The following THRAP3 variants were observed in gnomAD, a reference collection of about 807,000 sequenced individuals.
THRAP3 encodes thyroid hormone receptor associated protein 3.
THRAP3 carries 16 observed loss-of-function variants against 101.0 expected under a neutral mutation model. That is an observed-to-expected ratio of 0.16 (90% CI 0.11 to 0.24). The LOEUF (loss-of-function observed/expected upper bound fraction) is 0.24, where lower values mean the gene tolerates loss of function less well. Ranked by LOEUF, THRAP3 falls within the 10% of genes least tolerant of loss-of-function variation. THRAP3 has a pLI of 1.00. For missense variants in THRAP3, 989 were observed against 1,202.7 expected (o/e 0.82, Z 2.63); for synonymous variants, 407 against 422.6 (o/e 0.96, Z 0.45).
intron 4 of THRAP3, chr1:36,287,957 T>C: frequency 1.0e-5 from 10 of 980,466 alleles, no homozygotes; most frequent in Non-Finnish European, 1.2e-5. Context: ...TGGGACCAGG[T>C]TGTGGTCAAG....
At position 36,286,877 on chromosome 1, in the gene THRAP3, C is replaced by A. The variant is rs1645802553; in HGVS notation, c.647C>A (p.Ala216Glu). Residue 216 changes from alanine (A) to glutamate (E), a missense_variant, in exon 4 of 12, where the codon GCA becomes GAA. Ala to Glu is a moderately radical substitution (Grantham distance 107). Coordinates refer to ENST00000354618, the MANE Select transcript of THRAP3 (RefSeq NM_005119.4). This position sits in a 1 kb window ranked among gnomAD's most constrained non-coding sequence, Gnocchi z 5.5. ...FSGGTSQDTKASESSKPWPDA... is the reference protein window; with the variant it reads ...FSGGTSQDTKESESSKPWPDA... ...GGAGGCACCTCTCAAGATACAAAAG[C>A]ATCTGAGAGCTCGAAGCCATGGCCA... 1 of 1,614,060 alleles carries A rather than the reference C, an allele frequency of 6.2e-7. No individual in the cohort carries two copies. Among genetic ancestry groups the A allele is most frequent in the Non-Finnish European group, 8.5e-7 (1 of 1,179,910 alleles).
At chr1:36,234,010 T>A (rs2124363928) in intron 1 of THRAP3, among the ~76,000 whole-genome samples, 1 of 152,228 alleles carries the variant, frequency 6.6e-6, no homozygotes, top group Middle Eastern at 3.4e-3. Flanking sequence ...GGCTGGAGTA[T>A]GGTGGCGTGA....
chr1:36,214,005 A>G, the THRAP3 span, among the ~76,000 whole-genome samples: 2 of 41,470 alleles, frequency 4.8e-5, no homozygotes, highest in South Asian at 2.0e-3. Flanking sequence ...AAGGAAAGAA[A>G]GAAAGAAAGA....
chr1:36,269,152 T>TAA (rs1245631270), intron 2 of THRAP3, among the ~76,000 whole-genome samples: 1 of 152,214 alleles, frequency 6.6e-6, no homozygotes, highest in Non-Finnish European at 1.5e-5. Flanking sequence ...TGGCATCCCT[T>TAA]AACCCTCCAA....
At chr1:36,273,314 C>T (rs376779114) in intron 2 of THRAP3, among the ~76,000 whole-genome samples, 18 of 152,274 alleles carry the variant, frequency 1.2e-4, no homozygotes, top group African/African-American at 3.6e-4. Context: ...AGTCAGTTCT[C>T]GGGAACTTTT....
rs1483699712 is a variant in THRAP3, at chr1:36,251,795, A to T, written c.-134-7587A>T. Reference sequence around the variant, plus strand: ...TTTCTGAGAACTTTATACATATATTAATTTATTCGGTGTTCAACAACACTG... The same window carrying T: ...TTTCTGAGAACTTTATACATATATTTATTTATTCGGTGTTCAACAACACTG... On this transcript the variant is annotated intron_variant, in intron 1 of 11. Transcript: ENST00000354618. Among the ~76,000 whole-genome samples the T allele has an allele frequency of 3.9e-5, 6 of 152,328 alleles. No homozygotes were observed. The South Asian group carries it at 1.2e-3, about 32-fold the overall frequency.
intron 1 of THRAP3, among the ~76,000 whole-genome samples, chr1:36,250,214 C>CTTT (rs55959529): frequency 7.1e-6 from 1 of 140,564 alleles, no homozygotes; most frequent in South Asian, 2.3e-4. Context: ...ATTAGGCATA[C>CTTT]TTTTTTTTTT....
At chr1:36,282,477 G>T in intron 2 of THRAP3, 56 bp from the exon 3 acceptor site, 1 of 1,283,594 alleles carries the variant, frequency 7.8e-7, no homozygotes, top group East Asian at 2.4e-5. Context: ...TGTCCAAAGA[G>T]GTTCACATTT....
Position 36,300,844 on chromosome 1 carries a change from T to A in THRAP3, c.2304-42T>A. The A allele has an allele frequency of 1.9e-6, 3 of 1,605,426 alleles. No individual in the cohort carries two copies. In the South Asian group the frequency reaches 3.3e-5, roughly 18 times the overall value. Reference sequence around the variant, plus strand: ...TGAGGCCCCAGCCAAGCAGTGTCCCTTAGAAAGATGATTGATCACCCTGGC... The same window carrying A: ...TGAGGCCCCAGCCAAGCAGTGTCCCATAGAAAGATGATTGATCACCCTGGC... On this transcript the variant is annotated intron_variant, in intron 9 of 11. Coordinates refer to ENST00000354618, the MANE Select transcript of THRAP3 (RefSeq NM_005119.4).
intron 2 of THRAP3, among the ~76,000 whole-genome samples, chr1:36,279,605 T>A (rs1366646965): frequency 6.6e-6 from 1 of 152,200 alleles, no homozygotes; most frequent in African/African-American, 2.4e-5. Flanking sequence ...CAGTGTGATC[T>A]TTTTGGCAGG....
At chr1:36,227,061 C>G (rs888455810) in intron 1 of THRAP3, among the ~76,000 whole-genome samples, 1 of 151,824 alleles carries the variant, frequency 6.6e-6, no homozygotes, top group Non-Finnish European at 1.5e-5. Flanking sequence ...GAGAGGGTAT[C>G]CAGGTAGAGG....
intron 1 of THRAP3, among the ~76,000 whole-genome samples, chr1:36,229,425 T>TG (rs1284777494): frequency 2.8e-5 from 2 of 71,518 alleles, no homozygotes; most frequent in African/African-American, 1.2e-4. Context: ...TTTTTTTTGT[T>TG]TTTTTTTTTT....
chr1:36,214,483 T>C, the THRAP3 span, among the ~76,000 whole-genome samples: 1 of 152,196 alleles, frequency 6.6e-6, no homozygotes, highest in East Asian at 1.9e-4. Flanking sequence ...AATACTGTGA[T>C]ATAACTTCCT....
intron 1 of THRAP3, among the ~76,000 whole-genome samples, chr1:36,235,714 C>A (rs1645077681): frequency 6.6e-6 from 1 of 152,134 alleles, no homozygotes; most frequent in African/African-American, 2.4e-5. Flanking sequence ...CTTCAAGGAA[C>A]ACACCTTAAG....
chr1:36,238,679 G>A (rs951443116), intron 1 of THRAP3, among the ~76,000 whole-genome samples: 2 of 152,102 alleles, frequency 1.3e-5, no homozygotes, highest in African/African-American at 4.8e-5. Context: ...AAGATTTAGT[G>A]TAATGAGTGA....
chr1:36,264,508 CA>C (rs1487981696), intron 2 of THRAP3, among the ~76,000 whole-genome samples: 12 of 152,206 alleles, frequency 7.9e-5, no homozygotes, highest in African/African-American at 2.4e-4. Context: ...GTGACTTGTC[CA>C]TTTAGGACTG....
intron 2 of THRAP3, among the ~76,000 whole-genome samples, chr1:36,266,286 A>T (rs1174169597): frequency 6.6e-6 from 1 of 152,122 alleles, no homozygotes; most frequent in Non-Finnish European, 1.5e-5. Context: ...AGATTGAGCT[A>T]CTGCACTCCA....
rs1440644248 is a variant in THRAP3 at position 36,283,523 on chromosome 1, T to C, written c.137+823T>C. 4.6e-5 allele frequency among the ~76,000 whole-genome samples: 7 copies of C among 152,336 alleles called. No individual in the cohort carries two copies. In the South Asian group the frequency reaches 1.4e-3, roughly 32 times the overall value. On this transcript the variant is annotated intron_variant, in intron 3 of 11. Transcript: ENST00000354618. ...GGAAATATTGGTGTATTTAAATTGG[T>C]GTGCTGAAGAGGAATCTTTGTACAT...
In THRAP3 at chr1:36,293,897, C is replaced by G; in HGVS notation, c.2077C>G (p.His693Asp). ...PSTFRKHGLA[H>D]DEMKSPREPG... ...TACATTCAGAAAACATGGTTTGGCT[C>G]ATGATGAAATGAAAAGTCCCCGGGA... The change falls in exon 8 of 12, where the codon CAT becomes GAT. Residue 693 changes from histidine (H) to aspartate (D), a missense_variant. His to Asp is a moderately conservative substitution (Grantham distance 81). Coordinates refer to ENST00000354618, the MANE Select transcript of THRAP3 (RefSeq NM_005119.4). 5.6e-6 allele frequency: 9 copies of G among 1,613,698 alleles called. No homozygotes were observed. The highest frequency in any genetic ancestry group is 7.6e-6 in the Non-Finnish European group (9 of 1,179,758).
Sources: gnomAD v4.1 joint callset for allele counts (sites outside exome capture counted in the v4.1 genomes callset) on GRCh38, gnomAD v4.1.1 for gene constraint, Gnocchi (gnomAD v3.1) non-coding constraint, MANE v1.5 for transcripts, NCBI Gene and HGNC (gene_info 2026-07-23, HGNC 2026-07-21) for gene names.